Variants in GRM1 observed in about 807,000 individuals in gnomAD.
The protein encoded by GRM1 is glutamate metabotropic receptor 1.
Under a neutral mutation model 90.9 loss-of-function variants are expected in GRM1, and 33 were observed. The observed-to-expected ratio is 0.36, with a 90% CI of 0.28 to 0.49. The LOEUF is 0.49. Among genes scored for constraint, GRM1 ranks in the 20% least tolerant of loss-of-function variants. The pLI, the probability that GRM1 is intolerant of heterozygous loss-of-function variation, is 0.99. For synonymous variants in GRM1, 700 were observed against 613.2 expected (o/e 1.14, Z -2.09); for missense variants, 1,190 against 1,534.3 (o/e 0.78, Z 3.75).
chr6:146,227,100 C>T (rs1279485090), intron 2 of GRM1, among the ~76,000 whole-genome samples: 2 of 152,022 alleles, frequency 1.3e-5, no homozygotes, highest in Non-Finnish European at 1.5e-5. Context: ...ATCTTTAGTG[C>T]AATTATATCA....
chr6:146,034,261 A>G (rs577286538), intron 1 of GRM1, among the ~76,000 whole-genome samples: 4 of 152,042 alleles, frequency 2.6e-5, no homozygotes, highest in Non-Finnish European at 5.9e-5. Flanking sequence ...GGAGTCATCC[A>G]AAACATTCAA....
chr6:146,304,516 C>A, intron 2 of GRM1, 95 bp from the exon 3 acceptor site: 1 of 890,214 alleles, frequency 1.1e-6, no homozygotes, highest in Non-Finnish European at 1.8e-6. Flanking sequence ...TAGTCTGTAG[C>A]CTTTTCTGGA....
intron 5 of GRM1, among the ~76,000 whole-genome samples, chr6:146,376,944 A>G (rs1208915759): frequency 1.3e-5 from 2 of 151,974 alleles, no homozygotes; most frequent in African/African-American, 4.8e-5. Context: ...ACAAGATATG[A>G]TGGTTTTATA....
intron 1 of GRM1, among the ~76,000 whole-genome samples, chr6:146,121,384 G>A (rs1775984115): frequency 1.3e-5 from 2 of 151,788 alleles, no homozygotes; most frequent in Admixed American, 6.6e-5. Flanking sequence ...CTTTCAAAAA[G>A]CAGCTTCTGG....
At chr6:146,198,439 C>T (rs1194527670) in intron 2 of GRM1, among the ~76,000 whole-genome samples, 8 of 152,046 alleles carry the variant, frequency 5.3e-5, no homozygotes, top group Non-Finnish European at 8.8e-5. Context: ...TACTAAATTT[C>T]GGCTAGAGGT....
At chr6:146,328,864 A>G (rs1784490300) in intron 3 of GRM1, among the ~76,000 whole-genome samples, 1 of 152,114 alleles carries the variant, frequency 6.6e-6, no homozygotes, top group South Asian at 2.1e-4. Flanking sequence ...ATCCTTACCT[A>G]AGGAGAAAAG....
intron 2 of GRM1, among the ~76,000 whole-genome samples, chr6:146,278,087 T>A (rs1253379841): frequency 6.6e-6 from 1 of 152,140 alleles, no homozygotes; most frequent in East Asian, 1.9e-4. Context: ...AGTGATTATA[T>A]TTTTTCTCTT....
At chr6:146,052,948 T>C (rs966074905) in intron 1 of GRM1, among the ~76,000 whole-genome samples, 3 of 152,040 alleles carry the variant, frequency 2.0e-5, no homozygotes, top group African/African-American at 7.2e-5. Context: ...GCTTGAAGTA[T>C]ACATTTTTGA....
At chr6:146,122,172 A>T (rs1217241286) in intron 1 of GRM1, among the ~76,000 whole-genome samples, 1 of 152,192 alleles carries the variant, frequency 6.6e-6, no homozygotes, top group South Asian at 2.1e-4. Context: ...ATTTTTGTCT[A>T]GATAAAAATC....
intron 1 of GRM1, among the ~76,000 whole-genome samples, chr6:146,086,702 T>C (rs531853819): frequency 2.6e-5 from 4 of 152,082 alleles, no homozygotes; most frequent in Admixed American, 1.3e-4. Context: ...GTACCAACAA[T>C]TGACCCTTAG....
chr6:146,179,614 C>A (rs1227984031), intron 2 of GRM1, among the ~76,000 whole-genome samples: 1 of 152,110 alleles, frequency 6.6e-6, no homozygotes, highest in East Asian at 1.9e-4. Context: ...CCCGGGTTCA[C>A]GCCATTCTCC....
chr6:146,168,976 T>C (rs1200381866), intron 2 of GRM1, among the ~76,000 whole-genome samples: 2 of 152,160 alleles, frequency 1.3e-5, no homozygotes, highest in Non-Finnish European at 2.9e-5. Context: ...TTAGATTAAG[T>C]GTGATCAAAT....
chr6:146,076,189 T>A (rs1242253383), intron 1 of GRM1, among the ~76,000 whole-genome samples: 1 of 152,144 alleles, frequency 6.6e-6, no homozygotes, highest in Non-Finnish European at 1.5e-5. Context: ...GGGTTAGTGA[T>A]GAGTCGAATA....
intron 1 of GRM1, among the ~76,000 whole-genome samples, chr6:146,151,740 T>C (rs1777344217): frequency 6.6e-6 from 1 of 152,162 alleles, no homozygotes; most frequent in African/African-American, 2.4e-5. Flanking sequence ...TCTCCTGAGA[T>C]CCCATTTTAC....
At chr6:146,292,765 A>T (rs1485912148) in intron 2 of GRM1, among the ~76,000 whole-genome samples, 1 of 151,964 alleles carries the variant, frequency 6.6e-6, no homozygotes, top group Non-Finnish European at 1.5e-5. Context: ...TCATTCCTGG[A>T]TACATAACCA....
intron 1 of GRM1, among the ~76,000 whole-genome samples, chr6:146,101,990 C>G (rs1470701892): frequency 6.6e-6 from 1 of 152,028 alleles, no homozygotes; most frequent in Non-Finnish European, 1.5e-5. Context: ...GATGAGATGG[C>G]CTTTCCATTG....
At chr6:146,187,810 G>A (rs188463278) in intron 2 of GRM1, among the ~76,000 whole-genome samples, 11 of 151,408 alleles carry the variant, frequency 7.3e-5, no homozygotes, top group Non-Finnish European at 2.9e-5. Context: ...AGAGTAAAAC[G>A]ATACAAAAGA....
chr6:146,099,873 AAGGTAT>A (rs1776994171), intron 1 of GRM1, among the ~76,000 whole-genome samples: 1 of 152,104 alleles, frequency 6.6e-6, no homozygotes, highest in Non-Finnish European at 1.5e-5. Flanking sequence ...GCATTTCTCT[AAGGTAT>A]ATACTTAGCA....
At chr6:146,196,572 T>C (rs529834831) in intron 2 of GRM1, among the ~76,000 whole-genome samples, 1 of 151,228 alleles carries the variant, frequency 6.6e-6, no homozygotes, top group East Asian at 2.0e-4. Context: ...CCCAAAGTGC[T>C]GGGATTACAG....
Sources: gnomAD v4.1 joint callset for allele counts (sites outside exome capture counted in the v4.1 genomes callset) on GRCh38, gnomAD v4.1.1 for gene constraint, MANE v1.5 for transcripts, NCBI Gene and HGNC (gene_info 2026-07-23, HGNC 2026-07-21) for gene names.